The following NEURL1B variants were observed in gnomAD, a reference collection of about 807,000 sequenced individuals.
The protein encoded by NEURL1B is E3 ubiquitin-protein ligase NEURL1B.
In NEURL1B, 13 loss-of-function variants were observed where a neutral mutation model predicts 37.4. The ratio of observed to expected loss-of-function variants is 0.35; its 90% CI spans 0.23 to 0.55. NEURL1B has a LOEUF of 0.55. NEURL1B is among the 20% of genes least tolerant of loss of function. The pLI, the probability that NEURL1B is intolerant of heterozygous loss-of-function variation, is 0.89. For missense variants in NEURL1B, 790 were observed against 879.2 expected (o/e 0.90, Z 1.28); for synonymous variants, 432 against 426.6 (o/e 1.01, Z -0.16).
At chr5:172,652,347 T>C (rs982045433) in intron 1 of NEURL1B, among the ~76,000 whole-genome samples, 1 of 152,270 alleles carries the variant, frequency 6.6e-6, no homozygotes, top group African/African-American at 2.4e-5. Context: ...GCCTCTGGCC[T>C]GCCATGTACA....
intron 1 of NEURL1B, among the ~76,000 whole-genome samples, chr5:172,650,928 T>TA (rs1414702273): frequency 2.0e-5 from 3 of 152,020 alleles, no homozygotes; most frequent in Admixed American, 2.0e-4. Context: ...CGGAATGAGT[T>TA]AGGGTGGAGC....
Position 172,641,421 on chromosome 5 carries a change from G to A in NEURL1B, c.15G>A (p.Val5=). 1.5e-6 allele frequency: 2 copies of A among 1,345,976 alleles called. No homozygotes were observed. Among genetic ancestry groups the A allele is most frequent in the Non-Finnish European group, 9.5e-7 (1 of 1,052,528 alleles). 83.4% of individuals were successfully genotyped at this position (1,345,976 alleles called of 1,614,324 possible). A position where few individuals can be genotyped will look rare whatever the true frequency, so the allele number is the denominator to read the frequency against. ...CCGACGCAGCGATGGGCAACACGGT[G>A]CACCGGACCCTGCCAGGTACGCCGG... The part of the protein sequence containing the change: MGNT[V]HRTLPDPSPP... Residue 5 remains valine (V), a synonymous_variant, in exon 1 of 5, where the codon GTG becomes GTA. Transcript: ENST00000369800. The surrounding 1 kb of genome is among the most constrained non-coding windows in gnomAD (Gnocchi z 6.4).
intron 2 of NEURL1B, among the ~76,000 whole-genome samples, chr5:172,682,581 A>G (rs1262778631): frequency 1.3e-5 from 2 of 152,220 alleles, no homozygotes; most frequent in Non-Finnish European, 1.5e-5. Context: ...TATCTCAAAA[A>G]AAAAAAATTT....
intron 2 of NEURL1B, among the ~76,000 whole-genome samples, chr5:172,682,776 G>A (rs1256475497): frequency 6.6e-6 from 1 of 152,154 alleles, no homozygotes; most frequent in Non-Finnish European, 1.5e-5. Flanking sequence ...TCTAGAGCCA[G>A]ACAGCCTGGG....
In NEURL1B at chr5:172,641,394, G is replaced by C; in HGVS notation, c.-13G>C. 7.2e-7 allele frequency: 1 copy of C among 1,380,110 alleles called. No individual in the cohort carries two copies. Among genetic ancestry groups the C allele is most frequent in the Non-Finnish European group, 9.4e-7 (1 of 1,068,126 alleles). The allele number at this position is 1,380,110 out of a possible 1,614,324, so 85.5% of individuals were successfully genotyped here. A position where few individuals can be genotyped will look rare whatever the true frequency, so the allele number is the denominator to read the frequency against. ...CAGAGCGCGCCGCCGCCAACGCCGCGCCCGACGCAGCGATGGGCAACACGG... is the reference window on the plus strand; with the variant it reads ...CAGAGCGCGCCGCCGCCAACGCCGCCCCCGACGCAGCGATGGGCAACACGG... On this transcript the variant is annotated 5_prime_UTR_variant, in exon 1 of 5. Transcript: ENST00000369800. This position sits in a 1 kb window ranked among gnomAD's most constrained non-coding sequence, Gnocchi z 6.4.
At position 172,661,086 on chromosome 5, in the gene NEURL1B, C is replaced by A. The variant is rs1401030191; in HGVS notation, c.32-8699C>A. The stretch of plus-strand genomic sequence containing the variant: ...CCTCTCTCTAGAGCACAGCCTGCCC[C>A]CCTCACCCCAACACACATGAGCACC... On this transcript the variant is annotated intron_variant, in intron 1 of 4. Coordinates refer to ENST00000369800, the MANE Select transcript of NEURL1B (RefSeq NM_001142651.3). This position sits in a 1 kb window ranked among gnomAD's most constrained non-coding sequence, Gnocchi z 4.0. Among the ~76,000 whole-genome samples, 1 of 152,208 alleles carries A rather than the reference C, an allele frequency of 6.6e-6. No individual in the cohort carries two copies. Among genetic ancestry groups the A allele is most frequent in the Non-Finnish European group, 1.5e-5 (1 of 68,034 alleles).
At chr5:172,673,581 G>A (rs550041436) in intron 2 of NEURL1B, among the ~76,000 whole-genome samples, 1 of 152,116 alleles carries the variant, frequency 6.6e-6, no homozygotes, top group South Asian at 2.1e-4. Context: ...AGTTACATTG[G>A]AATTTCAGAT....
At chr5:172,644,898 A>T (rs932245965) in intron 1 of NEURL1B, among the ~76,000 whole-genome samples, 1 of 151,668 alleles carries the variant, frequency 6.6e-6, no homozygotes, top group African/African-American at 2.4e-5. Flanking sequence ...GGAGGGAGGG[A>T]CTCATCCCCT....
At position 172,670,220 on chromosome 5, in the gene NEURL1B, A is replaced by G. The variant is rs1758096651; in HGVS notation, c.467A>G (p.Tyr156Cys). ...GCCGACCGCCACGGCCGCGTGTTCT[A>G]CAGCGTGAACGACGGCGAGCCGGTG... The part of the protein sequence containing the change: ...YWADRHGRVF[Y>C]SVNDGEPVLF... Residue 156 changes from tyrosine (Y) to cysteine (C), a missense_variant, in exon 2 of 5, where the codon TAC becomes TGC. Transcript: ENST00000369800. 2.1e-6 allele frequency: 3 copies of G among 1,433,434 alleles called. No homozygotes were observed. The highest frequency in any genetic ancestry group is 1.4e-5 in the South Asian group (1 of 69,760). The allele number at this position is 1,433,434 out of a possible 1,614,324, so 88.8% of individuals were successfully genotyped here. A position where few individuals can be genotyped will look rare whatever the true frequency, so the allele number is the denominator to read the frequency against.
At chr5:172,670,362 C>G in intron 2 of NEURL1B, 32 bp downstream of exon 2, 1 of 1,336,408 alleles carries the variant, frequency 7.5e-7, no homozygotes. Context: ...CCCTGGGGAC[C>G]TGGCAGCGGT....
At position 172,676,074 on chromosome 5, in the gene NEURL1B, G is replaced by C. The variant is rs1758227231; in HGVS notation, c.577+5744G>C. ...TCAGATTGAAAAAGCAATGCCAGTC[G>C]GGGGTCATGGCATAGCAGACCATAT... On this transcript the variant is annotated intron_variant, in intron 2 of 4. Transcript: ENST00000369800. This position sits in a 1 kb window ranked among gnomAD's most constrained non-coding sequence, Gnocchi z 4.5. Among the ~76,000 whole-genome samples the C allele has an allele frequency of 6.6e-6, 1 of 151,824 alleles. No individual in the cohort carries two copies. The highest frequency in any genetic ancestry group is 2.1e-4 in the South Asian group (1 of 4,804).
At chr5:172,659,567 G>A (rs1216685272) in intron 1 of NEURL1B, among the ~76,000 whole-genome samples, 7 of 152,338 alleles carry the variant, frequency 4.6e-5, no homozygotes, top group Middle Eastern at 3.4e-3. Flanking sequence ...GACTGGCATG[G>A]AAGAAAGGAA....
intron 1 of NEURL1B, among the ~76,000 whole-genome samples, chr5:172,659,801 A>G (rs1195885740): frequency 6.6e-6 from 1 of 151,840 alleles, no homozygotes; most frequent in Non-Finnish European, 1.5e-5. Context: ...GCTGATTCTC[A>G]TCTCCAGGCC....
In NEURL1B at chr5:172,684,020, C is replaced by T; in HGVS notation, c.1179C>T (p.Asp393=). The T allele has an allele frequency of 7.5e-7, 1 of 1,338,534 alleles. No individual in the cohort carries two copies. The highest frequency in any genetic ancestry group is 9.6e-7 in the Non-Finnish European group (1 of 1,041,896). 82.9% of individuals were successfully genotyped at this position (1,338,534 alleles called of 1,614,324 possible). A position where few individuals can be genotyped will look rare whatever the true frequency, so the allele number is the denominator to read the frequency against. The change falls in exon 3 of 5, where the codon GAC becomes GAT. Residue 393 remains aspartate, a synonymous_variant. Transcript: ENST00000369800. ...GCTTCACGCTGCGGCCCGGCGGCGA[C>T]GTGCTCCTGGGCATCAACGGGCGTC... ...ALSFTLRPGG[D]VLLGINGRPR...
Position 172,688,504 on chromosome 5 carries a change from G to A in NEURL1B, c.*1579G>A, listed in dbSNP as rs1006824882. On this transcript the variant is annotated 3_prime_UTR_variant, in exon 5 of 5. Coordinates refer to ENST00000369800, the MANE Select transcript of NEURL1B (RefSeq NM_001142651.3). The surrounding 1 kb of genome is among the most constrained non-coding windows in gnomAD (Gnocchi z 4.3). ...ACTGCTGGGTGTCTGGGTGCCCAGA[G>A]CAAAGCTGGGCCAGGCCTTCACCAG... is the stretch of plus-strand genomic sequence containing the variant. 1 of 152,314 alleles carries A rather than the reference G, an allele frequency of 6.6e-6. No homozygotes were observed. 9.4% of individuals were successfully genotyped at this position (152,314 alleles called of 1,614,324 possible). A position where few individuals can be genotyped will look rare whatever the true frequency, so the allele number is the denominator to read the frequency against.
intron 1 of NEURL1B, among the ~76,000 whole-genome samples, chr5:172,649,057 A>G (rs183720561): frequency 1.3e-5 from 2 of 152,350 alleles, no homozygotes; most frequent in East Asian, 1.9e-4. Context: ...GGTGGACCCA[A>G]TGCAGACATG....
At chr5:172,679,276 C>T (rs370482453) in intron 2 of NEURL1B, among the ~76,000 whole-genome samples, 10 of 152,360 alleles carry the variant, frequency 6.6e-5, no homozygotes, top group African/African-American at 1.7e-4. Context: ...CACCTCTCAG[C>T]GCCTCAGTGT....
At chr5:172,660,165 C>T (rs1757867798) in intron 1 of NEURL1B, among the ~76,000 whole-genome samples, 2 of 152,234 alleles carry the variant, frequency 1.3e-5, no homozygotes, top group South Asian at 2.1e-4. Context: ...GGGGCCCTAG[C>T]CCTGGGAGCC....
At chr5:172,677,196 G>A (rs1163853536) in intron 2 of NEURL1B, among the ~76,000 whole-genome samples, 1 of 152,128 alleles carries the variant, frequency 6.6e-6, no homozygotes, top group Non-Finnish European at 1.5e-5. Flanking sequence ...TGCGGTTAAT[G>A]TTCTTTTTTC....
Sources: allele counts gnomAD v4.1 joint callset (sites outside exome capture counted in the v4.1 genomes callset), GRCh38; gene constraint gnomAD v4.1.1; non-coding constraint Gnocchi (gnomAD v3.1); transcripts MANE v1.5; gene names NCBI Gene and HGNC (gene_info 2026-07-23, HGNC 2026-07-21).